ATRNL1: variants seen among roughly 807,000 people sequenced by gnomAD.
The protein encoded by ATRNL1 is attractin-like protein 1.
ATRNL1 carries 95 observed loss-of-function variants against 182.7 expected under a neutral mutation model. That is an observed-to-expected ratio of 0.52 (90% CI 0.44 to 0.62). The LOEUF is 0.62. ATRNL1 is among the 20% of genes least tolerant of loss of function. The probability of loss-of-function intolerance (pLI) is 0.00; values close to 1 mark genes in which losing one functional copy is unlikely to be tolerated. For synonymous variants in ATRNL1, 576 were observed against 568.3 expected (o/e 1.01, Z -0.19); for missense variants, 1,471 against 1,679.5 (o/e 0.88, Z 2.17).
intron 19 of ATRNL1, among the ~76,000 whole-genome samples, chr10:115,361,299 A>G (rs569667439): frequency 6.6e-6 from 1 of 151,628 alleles, no homozygotes; most frequent in South Asian, 2.1e-4. Flanking sequence ...TCTTTTGTCT[A>G]CCTGTCTATG....
chr10:115,367,302 T>A (rs1451068189), intron 19 of ATRNL1, among the ~76,000 whole-genome samples: 1 of 139,996 alleles, frequency 7.1e-6, no homozygotes, highest in Admixed American at 7.2e-5. Flanking sequence ...TTCTTCCAGT[T>A]GATCGCATCA....
At chr10:115,311,356 C>T (rs1450572488) in intron 17 of ATRNL1, among the ~76,000 whole-genome samples, 1 of 151,882 alleles carries the variant, frequency 6.6e-6, no homozygotes, top group South Asian at 2.1e-4. Flanking sequence ...TACCTGGCTG[C>T]TTTTTGTATT....
At chr10:115,592,400 T>C (rs1157147773) in intron 26 of ATRNL1, among the ~76,000 whole-genome samples, 2 of 152,204 alleles carry the variant, frequency 1.3e-5, no homozygotes, top group Non-Finnish European at 2.9e-5. Flanking sequence ...ATCCATTTAG[T>C]GTATGATTCA....
At chr10:115,929,300 A>C (rs560110120) in intron 28 of ATRNL1, among the ~76,000 whole-genome samples, 1 of 152,236 alleles carries the variant, frequency 6.6e-6, no homozygotes, top group Admixed American at 6.5e-5. Context: ...TGCAAGGTTC[A>C]TCAAATTCTG....
intron 20 of ATRNL1, among the ~76,000 whole-genome samples, chr10:115,404,809 TC>T (rs1844740779): frequency 7.9e-6 from 1 of 126,650 alleles, no homozygotes; most frequent in South Asian, 2.6e-4. Context: ...TGCAAAAACC[TC>T]CCAGCTTTTT....
At chr10:115,256,602 G>A (rs1851150408) in intron 10 of ATRNL1, among the ~76,000 whole-genome samples, 1 of 152,036 alleles carries the variant, frequency 6.6e-6, no homozygotes, top group Non-Finnish European at 1.5e-5. Flanking sequence ...GGGATTCATT[G>A]AGTTTTTGAA....
intron 26 of ATRNL1, among the ~76,000 whole-genome samples, chr10:115,643,812 C>A (rs1859424951): frequency 6.6e-6 from 1 of 152,144 alleles, no homozygotes; most frequent in Middle Eastern, 3.4e-3. Context: ...CAAACAAAAA[C>A]CCCTTAAAAT....
At chr10:115,204,490 C>G (rs1480274277) in intron 8 of ATRNL1, among the ~76,000 whole-genome samples, 2 of 152,028 alleles carry the variant, frequency 1.3e-5, no homozygotes, top group East Asian at 1.9e-4. Context: ...GAGTTTTTAT[C>G]ATGAAAATAT....
At chr10:115,348,857 G>A (rs1263146454) in intron 19 of ATRNL1, among the ~76,000 whole-genome samples, 1 of 152,024 alleles carries the variant, frequency 6.6e-6, no homozygotes, top group African/African-American at 2.4e-5. Flanking sequence ...ACATATTTAA[G>A]GGGTACATGT....
chr10:115,519,337 T>C lies in ATRNL1; in HGVS notation c.3716+13T>C. 1 of 1,604,764 alleles carries C rather than the reference T, an allele frequency of 6.2e-7. No individual in the cohort carries two copies. Among genetic ancestry groups the C allele is most frequent in the Middle Eastern group, 1.7e-4 (1 of 6,036 alleles). ...TCACCTTCTTCAGGTAAAAGTTTGC[T>C]TTGACTGACTTTGAACTTTTCAAGC... On this transcript the variant is annotated intron_variant, in intron 25 of 28. Transcript: ENST00000355044.
chr10:115,555,003 G>A (rs1353509044), intron 26 of ATRNL1, among the ~76,000 whole-genome samples: 2 of 151,606 alleles, frequency 1.3e-5, no homozygotes, highest in Non-Finnish European at 3.0e-5. Context: ...TGTATATCTC[G>A]ATATATGTGT....
chr10:115,772,597 C>A (rs2420112), intron 27 of ATRNL1, among the ~76,000 whole-genome samples: 1 of 140,350 alleles, frequency 7.1e-6, no homozygotes, highest in East Asian at 2.1e-4. Context: ...TATACTCTGT[C>A]TGTGTGTGTG....
At chr10:115,766,788 G>T (rs1246570014) in intron 27 of ATRNL1, among the ~76,000 whole-genome samples, 1 of 152,086 alleles carries the variant, frequency 6.6e-6, no homozygotes, top group Non-Finnish European at 1.5e-5. Context: ...AGACTATTAT[G>T]CATTCATGGG....
In ATRNL1 at chr10:115,779,100, A is replaced by G. The variant is rs115604312; in HGVS notation, c.3903+51745A>G. Among the ~76,000 whole-genome samples the G allele has an allele frequency of 9.9e-3, 1,515 of 152,268 alleles. 28 individuals carry two copies. Among genetic ancestry groups the G allele is most frequent in the African/African-American group, 0.035 (1,440 of 41,548 alleles). ...CTGCACCCAGGGCAGATTGCTCCCA[A>G]TGTCCCCCACCTGGTAGGCCATTGC... On this transcript the variant is annotated intron_variant, in intron 27 of 28. Transcript: ENST00000355044.
At chr10:115,177,918 TTTTTTG>T (rs1564799939) in intron 8 of ATRNL1, among the ~76,000 whole-genome samples, 3 of 119,868 alleles carry the variant, frequency 2.5e-5, no homozygotes, top group African/African-American at 6.2e-5. Context: ...TTTTGTTTTT[TTTTTTG>T]TTTTTTTTTT....
chr10:115,170,100 T>A (rs554995335), intron 7 of ATRNL1, among the ~76,000 whole-genome samples: 1 of 152,328 alleles, frequency 6.6e-6, no homozygotes, highest in South Asian at 2.1e-4. Context: ...AATATTTTAC[T>A]TCTTCTTTCC....
intron 26 of ATRNL1, among the ~76,000 whole-genome samples, chr10:115,629,288 C>A (rs1336807063): frequency 1.3e-5 from 2 of 152,052 alleles, no homozygotes; most frequent in Non-Finnish European, 2.9e-5. Flanking sequence ...TTTAGTAAAC[C>A]AACAATTTAA....
intron 25 of ATRNL1, among the ~76,000 whole-genome samples, chr10:115,538,667 G>A (rs946892643): frequency 3.3e-5 from 5 of 152,040 alleles, no homozygotes; most frequent in African/African-American, 9.7e-5. Context: ...TCTCTTAACA[G>A]TATCTTTTAT....
At chr10:115,617,552 G>T (rs1179761819) in intron 26 of ATRNL1, among the ~76,000 whole-genome samples, 2 of 151,832 alleles carry the variant, frequency 1.3e-5, no homozygotes, top group Non-Finnish European at 2.9e-5. Flanking sequence ...TAGAGACGGG[G>T]TTTCACCATG....
Sources: allele counts gnomAD v4.1 joint callset (sites outside exome capture counted in the v4.1 genomes callset), GRCh38; gene constraint gnomAD v4.1.1; transcripts MANE v1.5; gene names NCBI Gene and HGNC (gene_info 2026-07-23, HGNC 2026-07-21).